The following MAML3 variants were observed in gnomAD, a reference collection of about 807,000 sequenced individuals.
MAML3 encodes mastermind-like protein 3.
A neutral mutation model predicts 101.9 loss-of-function variants in MAML3; 27 were observed. The ratio of observed to expected loss-of-function variants is 0.27; its 90% CI spans 0.20 to 0.37. MAML3 has a LOEUF of 0.37. Among genes scored for constraint, MAML3 ranks in the 10% least tolerant of loss-of-function variants. The pLI, the probability that MAML3 is intolerant of heterozygous loss-of-function variation, is 1.00. For synonymous variants in MAML3, 501 were observed against 555.9 expected (o/e 0.90, Z 1.39); for missense variants, 1,316 against 1,444.9 (o/e 0.91, Z 1.45).
chr4:140,062,528 C>T (rs895117466), intron 1 of MAML3, among the ~76,000 whole-genome samples: 3 of 152,186 alleles, frequency 2.0e-5, no homozygotes, highest in Admixed American at 6.5e-5. Flanking sequence ...TAAATTGCTG[C>T]GCTCTGAGAG....
At chr4:139,757,937 T>C (rs1182779604) in intron 2 of MAML3, among the ~76,000 whole-genome samples, 1 of 152,164 alleles carries the variant, frequency 6.6e-6, no homozygotes, top group Non-Finnish European at 1.5e-5. Flanking sequence ...ACTTCCTCTC[T>C]GAATATCCAA....
At chr4:140,013,384 G>A (rs1726594436) in intron 1 of MAML3, among the ~76,000 whole-genome samples, 1 of 152,068 alleles carries the variant, frequency 6.6e-6, no homozygotes, top group African/African-American at 2.4e-5. Flanking sequence ...TGTTCTTTAA[G>A]ATGCAAGTGA....
chr4:140,046,263 C>A (rs558461750), intron 1 of MAML3, among the ~76,000 whole-genome samples: 1 of 152,154 alleles, frequency 6.6e-6, no homozygotes, highest in East Asian at 1.9e-4. Flanking sequence ...TCTCCTTCAG[C>A]GTAACCACTA....
intron 1 of MAML3, among the ~76,000 whole-genome samples, chr4:140,071,976 G>A (rs919419455): frequency 2.6e-5 from 4 of 152,180 alleles, no homozygotes; most frequent in African/African-American, 4.8e-5. Context: ...TGTGGTGGAC[G>A]TGGGGGAGGA....
At chr4:139,993,759 C>A (rs767694177) in intron 1 of MAML3, among the ~76,000 whole-genome samples, 1 of 151,306 alleles carries the variant, frequency 6.6e-6, no homozygotes, top group African/African-American at 2.4e-5. Flanking sequence ...ACCTGGGAGG[C>A]GGAGGTTGCA....
At chr4:139,952,755 G>A (rs146855144) in intron 1 of MAML3, among the ~76,000 whole-genome samples, 1 of 152,284 alleles carries the variant, frequency 6.6e-6, no homozygotes, top group Non-Finnish European at 1.5e-5. Context: ...AAAAGACTGT[G>A]GACAGAAATG....
chr4:140,068,374 T>G (rs1405956926), intron 1 of MAML3, among the ~76,000 whole-genome samples: 1 of 152,212 alleles, frequency 6.6e-6, no homozygotes, highest in East Asian at 1.9e-4. Flanking sequence ...AAGGGGAAGG[T>G]ACAGTATGAT....
intron 1 of MAML3, among the ~76,000 whole-genome samples, chr4:140,023,163 A>G (rs1263241691): frequency 6.6e-6 from 1 of 152,202 alleles, no homozygotes; most frequent in Non-Finnish European, 1.5e-5. Flanking sequence ...GTGCAGAATG[A>G]TACTGAGAAC....
chr4:139,899,373 A>G (rs1732670937), intron 1 of MAML3, among the ~76,000 whole-genome samples: 1 of 152,208 alleles, frequency 6.6e-6, no homozygotes, highest in Non-Finnish European at 1.5e-5. Context: ...GGATTTCTAG[A>G]ATATTTTTCA....
chr4:140,012,322 T>C (rs17005417), intron 1 of MAML3, among the ~76,000 whole-genome samples: 65,158 of 152,098 alleles, frequency 0.43, 15,115 homozygotes, highest in East Asian at 0.65. Context: ...ATTATGAGTG[T>C]TATAGGCTGT....
chr4:139,884,379 T>G (rs1386872794), intron 2 of MAML3, among the ~76,000 whole-genome samples: 2 of 152,244 alleles, frequency 1.3e-5, no homozygotes, highest in Non-Finnish European at 2.9e-5. Flanking sequence ...ATACTCATTA[T>G]GATGCACACA....
intron 1 of MAML3, among the ~76,000 whole-genome samples, chr4:140,005,568 A>G (rs981215823): frequency 1.3e-5 from 2 of 152,258 alleles, no homozygotes; most frequent in Non-Finnish European, 2.9e-5. Flanking sequence ...ATACCATCAG[A>G]CAACAAATTA....
chr4:139,782,488 A>G (rs1730235421), intron 2 of MAML3, among the ~76,000 whole-genome samples: 1 of 152,234 alleles, frequency 6.6e-6, no homozygotes, highest in Non-Finnish European at 1.5e-5. Flanking sequence ...TCAAGCTGGC[A>G]TGGTGAAACT....
At chr4:139,932,518 G>T (rs1733421242) in intron 1 of MAML3, among the ~76,000 whole-genome samples, 1 of 152,146 alleles carries the variant, frequency 6.6e-6, no homozygotes, top group Admixed American at 6.5e-5. Context: ...TGCTTCCAAA[G>T]TGCTTGAGGG....
chr4:140,112,140 G>A (rs1411015731), intron 1 of MAML3, among the ~76,000 whole-genome samples: 1 of 151,352 alleles, frequency 6.6e-6, no homozygotes. Context: ...TTCTATATCA[G>A]TATGGATTTA....
chr4:140,019,609 G>A (rs1726701195), intron 1 of MAML3, among the ~76,000 whole-genome samples: 1 of 152,188 alleles, frequency 6.6e-6, no homozygotes, highest in South Asian at 2.1e-4. Flanking sequence ...TGAAATATAT[G>A]TTAGAGCCTC....
intron 1 of MAML3, among the ~76,000 whole-genome samples, chr4:140,101,669 C>T (rs991580731): frequency 7.2e-5 from 11 of 152,058 alleles, no homozygotes; most frequent in Admixed American, 5.2e-4. Context: ...TACGTGATAC[C>T]TCTTAGATCA....
chr4:139,845,259 G>C (rs1731421557), intron 2 of MAML3, among the ~76,000 whole-genome samples: 1 of 152,152 alleles, frequency 6.6e-6, no homozygotes, highest in South Asian at 2.1e-4. Flanking sequence ...TGACAGAGAG[G>C]GGGAACTAGA....
chr4:139,743,410 T>C (rs1729224623), intron 2 of MAML3, among the ~76,000 whole-genome samples: 1 of 152,238 alleles, frequency 6.6e-6, no homozygotes, highest in Non-Finnish European at 1.5e-5. Flanking sequence ...CACCGTTTCT[T>C]GTACTTTGGC....
Sources: allele counts gnomAD v4.1 joint callset (sites outside exome capture counted in the v4.1 genomes callset), GRCh38; gene constraint gnomAD v4.1.1; transcripts MANE v1.5; gene names NCBI Gene and HGNC (gene_info 2026-07-23, HGNC 2026-07-21).